Variants in TFIP11 observed in about 807,000 individuals in gnomAD.
TFIP11 encodes tuftelin-interacting protein 11.
TFIP11 carries 86 observed loss-of-function variants against 96.8 expected under a neutral mutation model. The ratio of observed to expected loss-of-function variants is 0.89; its 90% CI spans 0.75 to 1.06. The LOEUF is 1.06. TFIP11 is among the 50% of genes least tolerant of loss of function. TFIP11 has a pLI of 0.00. For missense variants in TFIP11, 881 were observed against 1,076.7 expected, an observed-to-expected ratio of 0.82 and a Z score of 2.54; for synonymous variants, 405 against 395.2, an observed-to-expected ratio of 1.02 and a Z score of -0.29.
At chr22:26,496,629 G>C in intron 11 of TFIP11, 92 bp downstream of exon 11, 1 of 1,452,926 alleles carries the variant, frequency 6.9e-7, no homozygotes. Context: ...GTTAATTCCA[G>C]GCGTTTTAAC....
intron 6 of TFIP11, among the ~76,000 whole-genome samples, chr22:26,504,401 T>G (rs962685839): frequency 6.6e-6 from 1 of 152,208 alleles, no homozygotes; most frequent in Non-Finnish European, 1.5e-5. Flanking sequence ...TTAGTTCCAC[T>G]GAAGTCTTAA....
chr22:26,502,000 T>C lies in TFIP11; in HGVS notation c.701A>G (p.Lys234Arg), dbSNP rs779612541. 3.1e-6 allele frequency: 5 copies of C among 1,613,888 alleles called. No homozygotes were observed. The highest frequency in any genetic ancestry group is 4.2e-6 in the Non-Finnish European group (5 of 1,180,036). Residue 234 changes from lysine to arginine, a missense_variant, in exon 8 of 15, where the codon AAG (lysine) becomes AGG (arginine). Coordinates refer to ENST00000407690, the MANE Select transcript of TFIP11 (RefSeq NM_012143.4). The stretch of plus-strand genomic sequence containing the variant: ...GGTCTTGTAAGAGTATTTGGGCTTC[T>C]TCTTGCTTCCACTTGGGTCTTTCCT... ...QWRKDPSGSK[K>R]KPKYSYKTVE...
At chr22:26,495,180 T>C (rs1247758302) in intron 12 of TFIP11, among the ~76,000 whole-genome samples, 1 of 149,886 alleles carries the variant, frequency 6.7e-6, no homozygotes, top group African/African-American at 2.5e-5. Flanking sequence ...CAGGCTGGTC[T>C]CAAACTCCTG....
intron 4 of TFIP11, among the ~76,000 whole-genome samples, chr22:26,509,464 T>A (rs1325057040): frequency 6.6e-6 from 1 of 152,262 alleles, no homozygotes; most frequent in African/African-American, 2.4e-5. Context: ...GAGTTGTTAA[T>A]GCCTATTTCC....
At position 26,503,845 on chromosome 22, in the gene TFIP11, T is replaced by C. The variant is rs752409246; in HGVS notation, c.521-52A>G. On this transcript the variant is annotated intron_variant, in intron 6 of 14. Transcript: ENST00000407690. Reference sequence around the variant, plus strand: ...AGAGTCTTACGATCACAGCAATTCATGTATGTGAATCAGCCACTCAGTGAA... The same window carrying C: ...AGAGTCTTACGATCACAGCAATTCACGTATGTGAATCAGCCACTCAGTGAA... 1.6e-5 allele frequency: 25 copies of C among 1,599,112 alleles called. No homozygotes were observed. In the East Asian group the frequency reaches 5.4e-4, roughly 34 times the overall value.
At chr22:26,501,511 C>T (rs910074017) in intron 8 of TFIP11, among the ~76,000 whole-genome samples, 5 of 151,838 alleles carry the variant, frequency 3.3e-5, no homozygotes, top group South Asian at 2.1e-4. Flanking sequence ...AATAATACAG[C>T]ACAGCCACTC....
At chr22:26,496,430 C>T (rs1465688985) in intron 11 of TFIP11, 114 bp from the exon 12 acceptor site, 6 of 1,391,402 alleles carry the variant, frequency 4.3e-6, no homozygotes, top group Non-Finnish European at 5.8e-6. Flanking sequence ...TCTCTGAGGC[C>T]CACAGTCCTT....
intron 12 of TFIP11, among the ~76,000 whole-genome samples, chr22:26,495,154 G>A (rs757202104): frequency 3.3e-5 from 5 of 150,120 alleles, no homozygotes; most frequent in African/African-American, 7.4e-5. Context: ...TAGAGACAGC[G>A]TTTTGGCATG....
intron 6 of TFIP11, among the ~76,000 whole-genome samples, chr22:26,505,187 G>A (rs986987855): frequency 6.6e-6 from 1 of 152,094 alleles, no homozygotes; most frequent in African/African-American, 2.4e-5. Context: ...TCAAGAAGAG[G>A]GGGAAATGTT....
chr22:26,508,459 A>G (rs117483955), intron 4 of TFIP11, among the ~76,000 whole-genome samples: 1 of 152,338 alleles, frequency 6.6e-6, no homozygotes, highest in East Asian at 1.9e-4. Flanking sequence ...TGATTATGCA[A>G]TTCTTGTTCC....
Position 26,494,956 on chromosome 22 carries a change from G to A in TFIP11, c.1850-17C>T. 6.2e-7 allele frequency: 1 copy of A among 1,614,112 alleles called. No homozygotes were observed. The highest frequency in any genetic ancestry group is 8.5e-7 in the Non-Finnish European group (1 of 1,179,998). On this transcript the variant is annotated splice_polypyrimidine_tract_variant and intron_variant, in intron 12 of 14. Coordinates refer to ENST00000407690, the MANE Select transcript of TFIP11 (RefSeq NM_012143.4). ...GACACATCCCTGGAAGAGAAACCCG[G>A]TCTGTAAGGCACAGCTTTAGTACTG...
intron 6 of TFIP11, chr22:26,506,034 A>ACT (rs932686711): frequency 1.1e-5 from 3 of 281,378 alleles, no homozygotes; most frequent in African/African-American, 6.6e-5. Context: ...TTTTAGAAGC[A>ACT]CTGGTCAGGA....
Position 26,512,112 on chromosome 22 carries a change from G to T in TFIP11, c.-109C>A, listed in dbSNP as rs1186359255. ...TTAGTAACTTACCCTAGGTTCCACT[G>T]CTCATAGGGCTCAAACTCAGGAGTG... On this transcript the variant is annotated 5_prime_UTR_variant, in exon 2 of 15. Coordinates refer to ENST00000407690, the MANE Select transcript of TFIP11 (RefSeq NM_012143.4). 2 of 152,202 alleles carry T rather than the reference G, an allele frequency of 1.3e-5. No homozygotes were observed. The highest frequency in any genetic ancestry group is 1.5e-5 in the Non-Finnish European group (1 of 68,040). 9.4% of individuals were successfully genotyped at this position (152,202 alleles called of 1,614,324 possible).
intron 2 of TFIP11, 52 bp downstream of exon 2, chr22:26,512,047 G>A (rs534302091): frequency 2.0e-5 from 3 of 152,268 alleles, no homozygotes; most frequent in East Asian, 1.9e-4. Flanking sequence ...GGTACCGTTA[G>A]TTTTCATGCT....
chr22:26,494,029 C>A, intron 14 of TFIP11, 110 bp downstream of exon 14: 2 of 1,299,686 alleles, frequency 1.5e-6, no homozygotes, highest in African/African-American at 1.5e-5. Context: ...AAAGTGTGAC[C>A]TAAGGTTTAG....
intron 14 of TFIP11, chr22:26,492,785 C>CCGAGATCT: frequency 5.3e-6 from 1 of 187,484 alleles, no homozygotes; most frequent in Non-Finnish European, 1.1e-5. Flanking sequence ...AACCTACCCA[C>CCGAGATCT]ACAGGGCCCC....
intron 10 of TFIP11, 67 bp from the exon 11 acceptor site, chr22:26,496,956 A>G (rs1310429105): frequency 6.5e-7 from 1 of 1,541,314 alleles, no homozygotes; most frequent in East Asian, 2.3e-5. Context: ...CACCACCACC[A>G]CCTGCCTCTC....
intron 14 of TFIP11, chr22:26,492,904 G>A (rs1393911265): frequency 6.5e-6 from 1 of 154,560 alleles, no homozygotes; most frequent in African/African-American, 2.4e-5. Context: ...TCAGGGAACA[G>A]TTTTGGAAAC....
At chr22:26,505,238 G>A (rs1417319180) in intron 6 of TFIP11, among the ~76,000 whole-genome samples, 1 of 152,134 alleles carries the variant, frequency 6.6e-6, no homozygotes, top group African/African-American at 2.4e-5. Flanking sequence ...AGAGGCTTTG[G>A]TCTCAAGAAG....
Sources: gnomAD v4.1 joint callset for allele counts (sites outside exome capture counted in the v4.1 genomes callset) on GRCh38, gnomAD v4.1.1 for gene constraint, MANE v1.5 for transcripts, NCBI Gene and HGNC (gene_info 2026-07-23, HGNC 2026-07-21) for gene names.